The following EBF1 variants were observed in gnomAD, a reference collection of about 807,000 sequenced individuals.
EBF1 encodes the protein transcription factor COE1.
Under a neutral mutation model 68.4 loss-of-function variants are expected in EBF1, and 10 were observed. That is an observed-to-expected ratio of 0.15 (90% CI 0.09 to 0.25). EBF1 has a LOEUF of 0.25. Among genes scored for constraint, EBF1 ranks in the 10% least tolerant of loss-of-function variants. The pLI is 1.00. For missense variants in EBF1, 509 were observed against 794.4 expected, an observed-to-expected ratio of 0.64 and a Z score of 4.32; for synonymous variants, 298 against 299.8, an observed-to-expected ratio of 0.99 and a Z score of 0.06.
chr5:158,853,878 AC>A (rs1287163592), intron 6 of EBF1, among the ~76,000 whole-genome samples: 3 of 152,226 alleles, frequency 2.0e-5, no homozygotes, highest in African/African-American at 7.2e-5. Context: ...TGCAGACCCT[AC>A]AGAGCCCAGG....
intron 6 of EBF1, among the ~76,000 whole-genome samples, chr5:158,957,369 A>G (rs1471202020): frequency 6.6e-6 from 1 of 152,264 alleles, no homozygotes; most frequent in African/African-American, 2.4e-5. Flanking sequence ...TTGATGAGGC[A>G]GGTCTAAGCA....
At chr5:158,884,353 A>G (rs1003961190) in intron 6 of EBF1, among the ~76,000 whole-genome samples, 11 of 152,196 alleles carry the variant, frequency 7.2e-5, no homozygotes, top group African/African-American at 2.7e-4. Context: ...GTAGATGAGA[A>G]ATATGAATCT....
chr5:159,098,327 A>G (rs1783020909), intron 1 of EBF1, among the ~76,000 whole-genome samples: 4 of 152,210 alleles, frequency 2.6e-5, no homozygotes. Flanking sequence ...TCTAGTGTCT[A>G]GGGAGCTGCG....
At chr5:158,947,282 C>G (rs66725810) in intron 6 of EBF1, among the ~76,000 whole-genome samples, 68,909 of 151,870 alleles carry the variant, frequency 0.45, 16,167 homozygotes, top group South Asian at 0.66. Flanking sequence ...ACCCAAAGGG[C>G]CGCCCAGTTT....
chr5:159,057,279 G>C (rs1008970909), intron 6 of EBF1, among the ~76,000 whole-genome samples: 1 of 151,734 alleles, frequency 6.6e-6, no homozygotes, highest in Non-Finnish European at 1.5e-5. Flanking sequence ...GCTCATTTTT[G>C]TATTTTTAGT....
chr5:158,759,264 C>T (rs1235625226), intron 10 of EBF1, among the ~76,000 whole-genome samples: 2 of 152,182 alleles, frequency 1.3e-5, no homozygotes, highest in Non-Finnish European at 2.9e-5. Flanking sequence ...TTCTGCTTCT[C>T]CATCCTTCCC....
At chr5:159,062,578 C>T (rs576681390) in intron 6 of EBF1, among the ~76,000 whole-genome samples, 144 of 152,270 alleles carry the variant, frequency 9.5e-4, no homozygotes, top group African/African-American at 3.3e-3. Context: ...CTGGTGAATT[C>T]TGAAGTCTTC....
chr5:159,041,612 C>A (rs548135525), intron 6 of EBF1, among the ~76,000 whole-genome samples: 8 of 152,266 alleles, frequency 5.3e-5, no homozygotes, highest in Admixed American at 5.2e-4. Flanking sequence ...GCCTAAATTT[C>A]CATAATTTAC....
chr5:159,029,516 C>A (rs150493810), intron 6 of EBF1, among the ~76,000 whole-genome samples: 1 of 152,080 alleles, frequency 6.6e-6, no homozygotes, highest in Non-Finnish European at 1.5e-5. Context: ...GGGAAGAATG[C>A]GTGGGGCTAT....
At chr5:158,921,219 A>G (rs1401858294) in intron 6 of EBF1, among the ~76,000 whole-genome samples, 3 of 151,588 alleles carry the variant, frequency 2.0e-5, no homozygotes, top group African/African-American at 7.3e-5. Context: ...CGTTTCGCCT[A>G]TGTTAGCCCT....
intron 8 of EBF1, among the ~76,000 whole-genome samples, chr5:158,819,763 T>C (rs1007795531): frequency 6.6e-6 from 1 of 152,206 alleles, no homozygotes; most frequent in Non-Finnish European, 1.5e-5. Flanking sequence ...ATAAAGCTAT[T>C]GCTTAAAGAA....
At chr5:158,738,726 A>G (rs1765705249) in intron 10 of EBF1, among the ~76,000 whole-genome samples, 1 of 152,212 alleles carries the variant, frequency 6.6e-6, no homozygotes. Context: ...CAGAAGCCTC[A>G]TTGTTTATAT....
intron 7 of EBF1, among the ~76,000 whole-genome samples, chr5:158,832,373 G>C (rs1385906931): frequency 6.6e-6 from 1 of 152,168 alleles, no homozygotes; most frequent in African/African-American, 2.4e-5. Flanking sequence ...TAATATATCA[G>C]GTTGAAAATC....
At position 158,850,255 on chromosome 5, in the gene EBF1, A is replaced by T. The variant is rs553638042; in HGVS notation, c.555-10145T>A. ...ACTTTTGTTGAAACCCTTAGTTAAA[A>T]CTCTTAATGATTTACTATTTCTTCA... is the stretch of plus-strand genomic sequence containing the variant. On this transcript the variant is annotated intron_variant, in intron 6 of 15. Coordinates refer to ENST00000313708, the MANE Select transcript of EBF1 (RefSeq NM_024007.5). Among the ~76,000 whole-genome samples the T allele has an allele frequency of 1.1e-4, 17 of 152,220 alleles. No individual in the cohort carries two copies. In the East Asian group the frequency reaches 1.7e-3, roughly 16 times the overall value.
At chr5:159,028,843 G>T (rs554970292) in intron 6 of EBF1, among the ~76,000 whole-genome samples, 4 of 152,310 alleles carry the variant, frequency 2.6e-5, no homozygotes, top group Middle Eastern at 6.8e-3. Flanking sequence ...AAAAGTTCTT[G>T]AAAGAAGGAA....
chr5:158,702,221 A>C (rs1756908010), intron 15 of EBF1, among the ~76,000 whole-genome samples: 1 of 152,052 alleles, frequency 6.6e-6, no homozygotes, highest in South Asian at 2.1e-4. Flanking sequence ...GAAGATCTTG[A>C]GTTTTAGGAG....
At chr5:158,775,790 A>ATG (rs1430242097) in intron 10 of EBF1, among the ~76,000 whole-genome samples, 15 of 54,212 alleles carry the variant, frequency 2.8e-4, no homozygotes, top group African/African-American at 8.4e-4. Context: ...ACAGACACAC[A>ATG]CACACACACA....
At chr5:159,011,679 A>AC (rs1258656874) in intron 6 of EBF1, among the ~76,000 whole-genome samples, 6 of 150,556 alleles carry the variant, frequency 4.0e-5, no homozygotes, top group Admixed American at 1.3e-4. Context: ...TTTTGTTAGA[A>AC]CCCCCCCTTC....
At chr5:159,016,313 G>A (rs1228899342) in intron 6 of EBF1, among the ~76,000 whole-genome samples, 1 of 152,162 alleles carries the variant, frequency 6.6e-6, no homozygotes, top group Non-Finnish European at 1.5e-5. Flanking sequence ...CTTGGCCAGT[G>A]GCTTCCCATC....
Sources: gnomAD v4.1 joint callset for allele counts (sites outside exome capture counted in the v4.1 genomes callset) on GRCh38, gnomAD v4.1.1 for gene constraint, MANE v1.5 for transcripts, NCBI Gene and HGNC (gene_info 2026-07-23, HGNC 2026-07-21) for gene names.